Variants in OSBPL10 observed in about 807,000 individuals in gnomAD.
OSBPL10 encodes the protein oxysterol binding protein like 10, also known as oxysterol-binding protein-related protein 10.
A neutral mutation model predicts 81.7 loss-of-function variants in OSBPL10; 49 were observed. The ratio of observed to expected loss-of-function variants is 0.60; its 90% CI spans 0.48 to 0.76. The LOEUF (loss-of-function observed/expected upper bound fraction) is 0.76, where lower values mean the gene tolerates loss of function less well. Ranked by LOEUF, OSBPL10 falls within the 30% of genes least tolerant of loss-of-function variation. The pLI, the probability that OSBPL10 is intolerant of heterozygous loss-of-function variation, is 0.00. For missense variants in OSBPL10, 923 were observed against 987.8 expected (o/e 0.93, Z 0.88); for synonymous variants, 419 against 383.6 (o/e 1.09, Z -1.08).
intron 1 of OSBPL10, among the ~76,000 whole-genome samples, chr3:31,937,349 C>T (rs968974924): frequency 1.3e-5 from 2 of 152,020 alleles, no homozygotes; most frequent in Non-Finnish European, 2.9e-5. Context: ...CCTTTTCTTG[C>T]CAACTCTTGG....
chr3:31,708,591 A>G, intron 6 of OSBPL10: 1 of 455,112 alleles, frequency 2.2e-6, no homozygotes, highest in Non-Finnish European at 2.9e-6. Flanking sequence ...AGCAACTCAT[A>G]TCACATGACT....
intron 1 of OSBPL10, among the ~76,000 whole-genome samples, chr3:32,052,050 A>T (rs1323044637): frequency 1.3e-5 from 2 of 152,032 alleles, no homozygotes; most frequent in Non-Finnish European, 2.9e-5. Flanking sequence ...GTTCAAGACC[A>T]GCCTGGGAAA....
Position 31,943,967 on chromosome 3 carries a change from CAAAAAAAAAAAA to C in OSBPL10, c.281+36920_281+36931del, listed in dbSNP as rs55770286. 1.6e-3 allele frequency among the ~76,000 whole-genome samples: 59 copies of C among 37,782 alleles called. 1 individual carries two copies. The highest frequency in any genetic ancestry group is 6.4e-3 in the African/African-American group (49 of 7,618). The allele number at this position is 37,782 out of a possible 152,430, so 24.8% of individuals were successfully genotyped here. ...TGGGCAACAGAGGAAGACTCCGTCT[CAAAAAAAAAAAA>C]AAAAAAAAAAAAAAAAGTTCTTTAG... On this transcript the variant is annotated intron_variant, in intron 1 of 11. Transcript: ENST00000396556.
chr3:31,729,773 G>A (rs1489383968), intron 6 of OSBPL10, among the ~76,000 whole-genome samples: 2 of 152,170 alleles, frequency 1.3e-5, no homozygotes, highest in African/African-American at 4.8e-5. Context: ...CCGTGATTCA[G>A]AGGTCAGGAA....
At chr3:31,789,202 G>A (rs1698945418) in intron 4 of OSBPL10, among the ~76,000 whole-genome samples, 1 of 152,090 alleles carries the variant, frequency 6.6e-6, no homozygotes, top group African/African-American at 2.4e-5. Flanking sequence ...GGGATTACAG[G>A]TGTGAGCCAC....
At chr3:32,013,580 G>A (rs144368584) in intron 2 of OSBPL10, among the ~76,000 whole-genome samples, 2,494 of 152,256 alleles carry the variant, frequency 0.016, 51 homozygotes, top group African/African-American at 0.056. Flanking sequence ...CAGAAGGCAA[G>A]AAATAACTAA....
At position 31,893,061 on chromosome 3, in the gene OSBPL10, G is replaced by A. The variant is rs189119374; in HGVS notation, c.282-13231C>T. 2.3e-3 allele frequency among the ~76,000 whole-genome samples: 348 copies of A among 152,202 alleles called. 2 individuals carry two copies. The highest frequency in any genetic ancestry group is 8.1e-3 in the African/African-American group (336 of 41,520). ...AAAAAGTAAGAGCCAGGAAGGACAC[G>A]GAAACAGCCTGAAATGTTAATGTGC... On this transcript the variant is annotated intron_variant, in intron 1 of 11. Transcript: ENST00000396556.
intron 4 of OSBPL10, among the ~76,000 whole-genome samples, chr3:31,798,379 G>A (rs4502620): frequency 0.24 from 36,447 of 150,194 alleles, 4,388 homozygotes; most frequent in Middle Eastern, 0.26. Context: ...GCAGTGAGCC[G>A]AGATCACACC....
chr3:31,780,325 C>A (rs1698658815), intron 4 of OSBPL10, among the ~76,000 whole-genome samples: 1 of 151,892 alleles, frequency 6.6e-6, no homozygotes, highest in African/African-American at 2.4e-5. Context: ...CACAATTTAT[C>A]AAAACTTCTG....
chr3:31,728,650 C>A (rs952394120), intron 6 of OSBPL10, among the ~76,000 whole-genome samples: 1 of 152,098 alleles, frequency 6.6e-6, no homozygotes, highest in Admixed American at 6.5e-5. Flanking sequence ...GTGAAAGAAG[C>A]CCTCCTGCAT....
intron 1 of OSBPL10, among the ~76,000 whole-genome samples, chr3:31,915,058 A>G (rs1696712785): frequency 1.3e-5 from 2 of 152,252 alleles, no homozygotes; most frequent in African/African-American, 4.8e-5. Context: ...TGTAACCTTG[A>G]ACTCCTGGCC....
chr3:32,020,439 A>G (rs1214561824), intron 2 of OSBPL10, among the ~76,000 whole-genome samples: 1 of 152,160 alleles, frequency 6.6e-6, no homozygotes, highest in Non-Finnish European at 1.5e-5. Flanking sequence ...AATGTTTTCA[A>G]GGTTCATCTA....
In OSBPL10 at chr3:31,872,153, G is replaced by C. The variant is rs572167570; in HGVS notation, c.537+4280C>G. 1.1e-4 allele frequency among the ~76,000 whole-genome samples: 17 copies of C among 152,326 alleles called. No individual in the cohort carries two copies. In the South Asian group the frequency reaches 3.1e-3, roughly 28 times the overall value. ...CAAGTAACACCGGAAACCACAGGAT[G>C]AACCTATGTGACATGGAGAAAAGGG... On this transcript the variant is annotated intron_variant, in intron 3 of 11. Transcript: ENST00000396556.
At chr3:32,015,495 C>T (rs964426252) in intron 2 of OSBPL10, among the ~76,000 whole-genome samples, 10 of 152,280 alleles carry the variant, frequency 6.6e-5, no homozygotes, top group Admixed American at 3.9e-4. Context: ...ACCATAAAAA[C>T]TCTAGAAGAA....
At chr3:32,047,928 G>A (rs1241444849) in intron 1 of OSBPL10, among the ~76,000 whole-genome samples, 2 of 151,954 alleles carry the variant, frequency 1.3e-5, no homozygotes, top group Non-Finnish European at 2.9e-5. Flanking sequence ...GCCTCCCAAA[G>A]TGCTGGGATT....
intron 4 of OSBPL10, among the ~76,000 whole-genome samples, chr3:31,803,866 C>T (rs1345728141): frequency 6.6e-6 from 1 of 152,178 alleles, no homozygotes; most frequent in Non-Finnish European, 1.5e-5. Flanking sequence ...CTCAATGCAT[C>T]ATATTTGGTG....
intron 4 of OSBPL10, among the ~76,000 whole-genome samples, chr3:31,806,544 G>C (rs190985782): frequency 6.6e-6 from 1 of 152,146 alleles, no homozygotes; most frequent in Non-Finnish European, 1.5e-5. Context: ...CTTTGTACCC[G>C]CAGTTAGAAA....
rs1696197634 is a variant in OSBPL10 at position 31,709,924 on chromosome 3, G to A, written c.1096-7416C>T. Among the ~76,000 whole-genome samples, 5 of 152,170 alleles carry A rather than the reference G, an allele frequency of 3.3e-5. No individual in the cohort carries two copies. In the South Asian group the frequency reaches 1.0e-3, roughly 32 times the overall value. On this transcript the variant is annotated intron_variant, in intron 6 of 11. Transcript: ENST00000396556. ...AGCGCTGAATTAATAACACAGCCAAGAGCTCTGAAAGACACCCTGAAAGCA... is the reference window on the plus strand; with the variant it reads ...AGCGCTGAATTAATAACACAGCCAAAAGCTCTGAAAGACACCCTGAAAGCA...
chr3:32,007,175 TG>T (rs1420220291), intron 2 of OSBPL10, among the ~76,000 whole-genome samples: 1 of 152,236 alleles, frequency 6.6e-6, no homozygotes, highest in African/African-American at 2.4e-5. Flanking sequence ...ATGAAATTTT[TG>T]TTTTTATGTC....
Sources: gnomAD v4.1 joint callset for allele counts (sites outside exome capture counted in the v4.1 genomes callset) on GRCh38, gnomAD v4.1.1 for gene constraint, MANE v1.5 for transcripts, NCBI Gene and HGNC (gene_info 2026-07-23, HGNC 2026-07-21) for gene names.